PCM1: variants seen among roughly 807,000 people sequenced by gnomAD.
The protein encoded by PCM1 is pericentriolar material 1 protein.
A neutral mutation model predicts 241.9 loss-of-function variants in PCM1; 157 were observed. The ratio of observed to expected loss-of-function variants is 0.65; its 90% CI spans 0.57 to 0.74. The LOEUF is 0.74. PCM1 is among the 30% of genes least tolerant of loss of function. The pLI, the probability that PCM1 is intolerant of heterozygous loss-of-function variation, is 0.00. For missense variants in PCM1, 3,478 were observed against 2,360.1 expected (o/e 1.47, Z -9.81); for synonymous variants, 1,085 against 784.9 (o/e 1.38, Z -6.39).
chr8:18,006,221 A>G (rs759444106), intron 29 of PCM1, 42 bp from the exon 30 acceptor site: 2 of 1,482,128 alleles, frequency 1.3e-6, no homozygotes, highest in South Asian at 1.3e-5. Context: ...TTTTTTAAAC[A>G]ATAGGTAAGT....
chr8:17,978,508 C>G (rs1052534235), intron 23 of PCM1, among the ~76,000 whole-genome samples: 1 of 151,710 alleles, frequency 6.6e-6, no homozygotes, highest in Admixed American at 6.6e-5. Context: ...GAAAAAGAAC[C>G]AAACCGACAC....
Position 17,938,509 on chromosome 8 carries a change from T to C in PCM1, c.343-231T>C, listed in dbSNP as rs186135612. Among the ~76,000 whole-genome samples the C allele has an allele frequency of 2.0e-4, 30 of 152,316 alleles. No individual in the cohort carries two copies. The East Asian group carries it at 4.8e-3, about 24-fold the overall frequency. ...TTCATTTAGACTTACCTTGTTCATA[T>C]TCGTCAGTTGAATTGTCTCAGCAAA... On this transcript the variant is annotated intron_variant, in intron 4 of 38. Transcript: ENST00000325083.
At position 18,028,469 on chromosome 8, in the gene PCM1, C is replaced by G. The variant is rs2094367523; in HGVS notation, c.*807C>G. The G allele has an allele frequency of 5.1e-6, 1 of 194,658 alleles. No individual in the cohort carries two copies. The highest frequency in any genetic ancestry group is 2.3e-5 in the African/African-American group (1 of 43,156). 12.1% of individuals were successfully genotyped at this position (194,658 alleles called of 1,614,324 possible). On this transcript the variant is annotated 3_prime_UTR_variant, in exon 39 of 39. Coordinates refer to ENST00000325083, the MANE Select transcript of PCM1 (RefSeq NM_006197.4). The stretch of plus-strand genomic sequence containing the variant: ...TTTTAAATGAAAAACTTAACTTTTT[C>G]AAGTGGGGATAAATAATACAACTAA...
At chr8:18,012,889 TTTC>T (rs2092699779) in intron 34 of PCM1, among the ~76,000 whole-genome samples, 1 of 152,206 alleles carries the variant, frequency 6.6e-6, no homozygotes, top group Non-Finnish European at 1.5e-5. Flanking sequence ...TTCTGAACAC[TTTC>T]TTTTTTTCTG....
In PCM1 at chr8:17,935,668, T is replaced by A. The variant is rs2060203411; in HGVS notation, c.58T>A (p.Trp20Arg). 6.5e-7 allele frequency: 1 copy of A among 1,549,806 alleles called. No individual in the cohort carries two copies. The highest frequency in any genetic ancestry group is 1.4e-5 in the African/African-American group (1 of 73,754). ...CATGAATGATCAGGATTTACCAAACTGGAGTAATGAGAATGTTGATGACAG... is the reference window on the plus strand; with the variant it reads ...CATGAATGATCAGGATTTACCAAACAGGAGTAATGAGAATGTTGATGACAG... ...DGMNDQDLPN[W>R]SNENVDDRLN... The change falls in exon 3 of 39, where the codon TGG becomes AGG. Residue 20 changes from tryptophan to arginine, a missense_variant. Physicochemically the swap from Trp to Arg is moderately radical, Grantham distance 101. Transcript: ENST00000325083.
chr8:17,986,769 A>G (rs1421379728), intron 26 of PCM1, among the ~76,000 whole-genome samples: 1 of 151,790 alleles, frequency 6.6e-6, no homozygotes, highest in Non-Finnish European at 1.5e-5. Context: ...AAAATATTTC[A>G]TGTGGTCGTG....
rs1353885320 is a variant in PCM1 at position 17,960,470 on chromosome 8, G to T, written c.2322+26G>T. The T allele has an allele frequency of 3.2e-6, 5 of 1,552,666 alleles. No individual in the cohort carries two copies. In the African/African-American group the frequency reaches 7.1e-5, roughly 22 times the overall value. ...GTAATTATGAAATTTATTTCTAATT[G>T]TCTGAAAAAAGATGTTTAAAACCTT... On this transcript the variant is annotated intron_variant, in intron 15 of 38. Transcript: ENST00000325083.
At chr8:17,924,579 A>G (rs1177027847) in intron 1 of PCM1, 134 bp from the exon 2 acceptor site, 1 of 152,246 alleles carries the variant, frequency 6.6e-6, no homozygotes, top group East Asian at 1.9e-4. Context: ...AATTTAAAAT[A>G]TGAATAAGTT....
At chr8:17,942,864 G>A (rs2062587476) in intron 6 of PCM1, among the ~76,000 whole-genome samples, 1 of 151,966 alleles carries the variant, frequency 6.6e-6, no homozygotes, top group Non-Finnish European at 1.5e-5. Context: ...AGGTGTGGTA[G>A]TATGCACCTG....
intron 13 of PCM1, 75 bp from the exon 14 acceptor site, chr8:17,959,939 T>A: frequency 7.4e-7 from 1 of 1,356,010 alleles, no homozygotes; most frequent in Non-Finnish European, 1.0e-6. Context: ...TACAGACTAG[T>A]GGTATTTACT....
chr8:17,977,871 T>A (rs549708684), intron 23 of PCM1, among the ~76,000 whole-genome samples: 2 of 152,262 alleles, frequency 1.3e-5, no homozygotes, highest in East Asian at 3.9e-4. Context: ...ATTAAAGCTA[T>A]CCAGCATTTG....
At chr8:17,951,452 G>A (rs896144353) in intron 8 of PCM1, among the ~76,000 whole-genome samples, 3 of 152,198 alleles carry the variant, frequency 2.0e-5, no homozygotes, top group Admixed American at 6.5e-5. Flanking sequence ...TCAGAAGGAG[G>A]TAGATGGAAG....
At chr8:17,934,604 C>G (rs147111090) in intron 2 of PCM1, 1 of 151,534 alleles carries the variant, frequency 6.6e-6, no homozygotes. Flanking sequence ...ATGACCTTGG[C>G]CAAACTGTCT....
At chr8:17,939,668 T>TA (rs754925739) in intron 5 of PCM1, 23 bp from the exon 6 acceptor site, 89 of 1,431,086 alleles carry the variant, frequency 6.2e-5, no homozygotes, top group South Asian at 1.1e-4. Context: ...ATGCTTTTTT[T>TA]AAAAAAAATA....
In PCM1 at chr8:17,969,668, G is replaced by A. The variant is rs1325193683; in HGVS notation, c.3504G>A (p.Gln1168=). The A allele has an allele frequency of 6.2e-7, 1 of 1,613,014 alleles. No individual in the cohort carries two copies. Among genetic ancestry groups the A allele is most frequent in the South Asian group, 1.1e-5 (1 of 91,028 alleles). ...TPSEQQQPLA[Q]NSSGKTEYMA... ...GTGAACAGCAGCAACCCTTAGCCCA[G>A]AATTCTTCAGGAAAAACAGAATATA... The change falls in exon 22 of 39, where the codon CAG becomes CAA. Residue 1168 remains glutamine (Q), a synonymous_variant. Transcript: ENST00000325083.
intron 6 of PCM1, among the ~76,000 whole-genome samples, chr8:17,941,318 A>G (rs190746258): frequency 4.6e-5 from 7 of 152,304 alleles, no homozygotes; most frequent in Admixed American, 3.3e-4. Flanking sequence ...TGTGATGGCA[A>G]TTTCTTTCAT....
In PCM1 at chr8:17,963,292, G is replaced by A; in HGVS notation, c.2654+1G>A. On this transcript the variant is annotated splice_donor_variant, in intron 17 of 38. Coordinates refer to ENST00000325083, the MANE Select transcript of PCM1 (RefSeq NM_006197.4). LOFTEE classifies it high-confidence loss of function. ...CTCCTCAGCAAAGTAGAACAGAAAA[G>A]TAAGAGAGCTGCATAAATCACTTTT... 4 of 1,576,226 alleles carry A rather than the reference G, an allele frequency of 2.5e-6. No individual in the cohort carries two copies. The highest frequency in any genetic ancestry group is 1.4e-5 in the African/African-American group (1 of 72,434).
chr8:17,932,901 C>T (rs898371140), intron 2 of PCM1, among the ~76,000 whole-genome samples: 4 of 152,090 alleles, frequency 2.6e-5, no homozygotes, highest in Admixed American at 2.0e-4. Flanking sequence ...CCTAAGGCAT[C>T]TGTTGTTTAC....
chr8:17,923,860 C>T (rs1270263819), intron 1 of PCM1, among the ~76,000 whole-genome samples: 3 of 152,102 alleles, frequency 2.0e-5, no homozygotes, highest in Admixed American at 6.5e-5. Context: ...GACTAAATGC[C>T]AAGTGGGACT....
Sources: allele counts gnomAD v4.1 joint callset (sites outside exome capture counted in the v4.1 genomes callset), GRCh38; gene constraint gnomAD v4.1.1; transcripts MANE v1.5; gene names NCBI Gene and HGNC (gene_info 2026-07-23, HGNC 2026-07-21).